Variants in CARNS1 observed in about 807,000 individuals in gnomAD.
CARNS1 encodes the protein carnosine synthase 1.
A neutral mutation model predicts 74.0 loss-of-function variants in CARNS1; 61 were observed. The observed-to-expected ratio is 0.82, with a 90% confidence interval of 0.67 to 1.02. The LOEUF (loss-of-function observed/expected upper bound fraction) is 1.02, where lower values mean the gene tolerates loss of function less well. Ranked by LOEUF, CARNS1 falls within the 50% of genes least tolerant of loss-of-function variation. The pLI, the probability that CARNS1 is intolerant of heterozygous loss-of-function variation, is 0.00. For synonymous variants in CARNS1, 568 were observed against 605.5 expected, an observed-to-expected ratio of 0.94 and a Z score of 0.91; for missense variants, 1,278 against 1,308.4, an observed-to-expected ratio of 0.98 and a Z score of 0.36.
chr11:67,425,206 G>C lies in CARNS1; in HGVS notation c.*605G>C, dbSNP rs1863802397. 2 of 390,610 alleles carry C rather than the reference G, an allele frequency of 5.1e-6. No individual in the cohort carries two copies. Among genetic ancestry groups the C allele is most frequent in the African/African-American group, 4.2e-5 (2 of 47,752 alleles). 24.2% of individuals were successfully genotyped at this position (390,610 alleles called of 1,614,324 possible). Reference sequence around the variant, plus strand: ...ACCCCAGGCAGACACAACTGCCTATGTTCCCCCGATGAGAGGAAACAGGCT... The same window carrying C: ...ACCCCAGGCAGACACAACTGCCTATCTTCCCCCGATGAGAGGAAACAGGCT... On this transcript the variant is annotated 3_prime_UTR_variant, in exon 10 of 10. Transcript: ENST00000687366.
rs1460665729 is a variant in CARNS1, at chr11:67,419,025, G to C, written c.634G>C (p.Asp212His). ...ASAELARLLE[D>H]RLLTRQLLAQ... is the part of the protein sequence containing the mutation. ...GGCTGAGCTGGCCCGGCTGCTGGAG[G>C]ACCGGCTGCTGACAAGGCAGTTGCT... Residue 212 changes from aspartate (D) to histidine (H), a missense_variant, in exon 5 of 10, where the codon GAC becomes CAC. Transcript: ENST00000687366. The C allele has an allele frequency of 6.4e-7, 1 of 1,557,758 alleles. No homozygotes were observed. The highest frequency in any genetic ancestry group is 2.4e-5 in the East Asian group (1 of 41,412).
intron 7 of CARNS1, among the ~76,000 whole-genome samples, chr11:67,420,164 G>A (rs568711309): frequency 2.0e-5 from 3 of 152,312 alleles, no homozygotes; most frequent in Non-Finnish European, 4.4e-5. Context: ...AACCTCTAGT[G>A]CCTGGACGCC....
intron 7 of CARNS1, 148 bp downstream of exon 7, chr11:67,419,986 G>T: frequency 1.3e-6 from 1 of 748,240 alleles, no homozygotes; most frequent in Non-Finnish European, 2.2e-6. Context: ...GGAAACTACT[G>T]GGTCTGACCG....
At chr11:67,418,632 G>A (rs968232075) in intron 4 of CARNS1, 112 bp downstream of exon 4, 58 of 1,430,786 alleles carry the variant, frequency 4.1e-5, no homozygotes, top group African/African-American at 7.2e-5. Context: ...GCATTCCACC[G>A]GAGCAGCTGC....
chr11:67,424,612 A>G lies in CARNS1; in HGVS notation c.*11A>G, dbSNP rs369307110. The G allele has an allele frequency of 6.3e-7, 1 of 1,595,134 alleles. No homozygotes were observed. On this transcript the variant is annotated 3_prime_UTR_variant, in exon 10 of 10. Coordinates refer to ENST00000687366, the MANE Select transcript of CARNS1 (RefSeq NM_001166222.2). ...TCTCACTTCAAATAGCACTGGGGTC[A>G]GGGGGCAGGGAAGCAGTGCTGGGTG...
chr11:67,425,006 C>T lies in CARNS1; in HGVS notation c.*405C>T, dbSNP rs1309318592. On this transcript the variant is annotated 3_prime_UTR_variant, in exon 10 of 10. Coordinates refer to ENST00000687366, the MANE Select transcript of CARNS1 (RefSeq NM_001166222.2). ...CAAGAGGAGAGGACCTGGCTGGGCCCCAAGCCTTGGACAAATCCTGGGAAA... is the reference window on the plus strand; with the variant it reads ...CAAGAGGAGAGGACCTGGCTGGGCCTCAAGCCTTGGACAAATCCTGGGAAA... The T allele has an allele frequency of 2.1e-6, 1 of 484,488 alleles. No homozygotes were observed. Among genetic ancestry groups the T allele is most frequent in the Non-Finnish European group, 4.1e-6 (1 of 246,466 alleles). 30.0% of individuals were successfully genotyped at this position (484,488 alleles called of 1,614,324 possible). A position where few individuals can be genotyped will look rare whatever the true frequency, so the allele number is the denominator to read the frequency against.
In CARNS1 at chr11:67,420,605, C is replaced by T. The variant is rs1270200658; in HGVS notation, c.1114-4C>T. ...GGCCTCCCCCTGAGTCTCCCCCTGC[C>T]CAGGTGGTGTGCGGCGTGGGCCGCG... On this transcript the variant is annotated splice_polypyrimidine_tract_variant and splice_region_variant and intron_variant, in intron 7 of 9. Transcript: ENST00000687366. 5.7e-6 allele frequency: 7 copies of T among 1,238,160 alleles called. No homozygotes were observed. The highest frequency in any genetic ancestry group is 6.1e-6 in the Non-Finnish European group (6 of 991,530). 76.7% of individuals were successfully genotyped at this position (1,238,160 alleles called of 1,614,324 possible).
Position 67,424,457 on chromosome 11 carries a change from C to A in CARNS1, c.2709C>A (p.Gly903=), listed in dbSNP as rs190057931. 6.3e-7 allele frequency: 1 copy of A among 1,588,550 alleles called. No homozygotes were observed. ...TGCTGGAGGAGGCCCTGGTGCCTGG[C>A]GAGTATGAGGAGCCCTACTGCAGTG... The part of the protein sequence containing the change: ...LNLLEEALVP[G]EYEEPYCSVA... Residue 903 remains glycine (G), a synonymous_variant, in exon 10 of 10, where the codon GGC becomes GGA. Transcript: ENST00000687366.
In CARNS1 at chr11:67,419,814, G is replaced by A; in HGVS notation, c.1089G>A (p.Gln363=). ...VRICAVVCRT[Q]GDRPLLSKVV... ...TCTGTGCTGTGGTGTGTCGGACACA[G>A]GGTGATAGGCCACTGCTGAGCAAGG... The change falls in exon 7 of 10, where the codon CAG becomes CAA. Residue 363 remains glutamine, a synonymous_variant. Coordinates refer to ENST00000687366, the MANE Select transcript of CARNS1 (RefSeq NM_001166222.2). The A allele has an allele frequency of 1.3e-6, 2 of 1,594,392 alleles. No individual in the cohort carries two copies. Among genetic ancestry groups the A allele is most frequent in the Non-Finnish European group, 1.7e-6 (2 of 1,171,014 alleles).
intron 2 of CARNS1, chr11:67,416,810 C>T (rs1473330975): frequency 1.0e-5 from 10 of 986,236 alleles, no homozygotes; most frequent in Non-Finnish European, 1.2e-5. Flanking sequence ...AAAGCATTTC[C>T]GTGACTCAAA....
chr11:67,415,711 C>T lies in CARNS1; in HGVS notation c.-77C>T, dbSNP rs1863526706. The T allele has an allele frequency of 6.5e-6, 1 of 154,678 alleles. No homozygotes were observed. 9.6% of individuals were successfully genotyped at this position (154,678 alleles called of 1,614,324 possible). On this transcript the variant is annotated 5_prime_UTR_variant, in exon 1 of 10. Transcript: ENST00000687366. ...ACTGCCACCGCCGCCGCCGCTGCATCCCGCCCGGTCCGAGTCCGCCCGCCA... is the reference window on the plus strand; with the variant it reads ...ACTGCCACCGCCGCCGCCGCTGCATTCCGCCCGGTCCGAGTCCGCCCGCCA...
At position 67,420,655 on chromosome 11, in the gene CARNS1, A is replaced by G; in HGVS notation, c.1160A>G (p.Asn387Ser). The G allele has an allele frequency of 1.6e-6, 2 of 1,252,886 alleles. No individual in the cohort carries two copies. The highest frequency in any genetic ancestry group is 3.1e-5 in the African/African-American group (2 of 64,556). 77.6% of individuals were successfully genotyped at this position (1,252,886 alleles called of 1,614,324 possible). Residue 387 changes from asparagine to serine, a missense_variant, in exon 8 of 10, where the codon AAC becomes AGC. Coordinates refer to ENST00000687366, the MANE Select transcript of CARNS1 (RefSeq NM_001166222.2). ...GGGGACCGCCCTCTACGGCACCACA[A>G]CTCCCTGCCGAGGACGCTGGAGGTG... ...GRGDRPLRHH[N>S]SLPRTLEVAL...
rs1278094607 is a variant in CARNS1, at chr11:67,419,783, T to C, written c.1058T>C (p.Val353Ala). The change falls in exon 7 of 10, where the codon GTG (valine) becomes GCG (alanine). Residue 353 changes from valine (V) to alanine (A), a missense_variant. Physicochemically the swap from Val to Ala is moderately conservative, Grantham distance 64 (BLOSUM62 0). Coordinates refer to ENST00000687366, the MANE Select transcript of CARNS1 (RefSeq NM_001166222.2). ...DGPSPGPGLA[V>A]RICAVVCRTQ... ...CCTTCACCCGGCCCCGGCCTGGCCG[T>C]GCGAATCTGTGCTGTGGTGTGTCGG... is the stretch of plus-strand genomic sequence containing the variant. 2 of 1,603,948 alleles carry C rather than the reference T, an allele frequency of 1.2e-6. No individual in the cohort carries two copies. The highest frequency in any genetic ancestry group is 1.3e-5 in the African/African-American group (1 of 74,656).
Position 67,424,824 on chromosome 11 carries a change from C to A in CARNS1, c.*223C>A. 1 of 628,214 alleles carries A rather than the reference C, an allele frequency of 1.6e-6. No homozygotes were observed. Among genetic ancestry groups the A allele is most frequent in the South Asian group, 1.8e-5 (1 of 56,638 alleles). The allele number at this position is 628,214 out of a possible 1,614,324, so 38.9% of individuals were successfully genotyped here. ...CCGAAGGCCCCAGTCCAGCCTACAG[C>A]TTCCCCAGCATTCTAGCCTTGGAGA... On this transcript the variant is annotated 3_prime_UTR_variant, in exon 10 of 10. Coordinates refer to ENST00000687366, the MANE Select transcript of CARNS1 (RefSeq NM_001166222.2).
rs371650612 is a variant in CARNS1 at position 67,423,498 on chromosome 11, C to A, written c.1750C>A (p.Arg584=). 3.1e-6 allele frequency: 5 copies of A among 1,613,818 alleles called. No homozygotes were observed. Among genetic ancestry groups the A allele is most frequent in the Non-Finnish European group, 3.4e-6 (4 of 1,179,878 alleles). The part of the protein sequence containing the change: ...ENARLLAELV[R]ARGLKLDGCF... ...CGCACGGCTGCTGGCAGAGTTGGTG[C>A]GGGCTCGCGGCCTCAAGCTAGATGG... is the stretch of plus-strand genomic sequence containing the variant. Residue 584 remains arginine (R), a synonymous_variant, in exon 10 of 10, where the codon CGG becomes AGG. Transcript: ENST00000687366. The surrounding 1 kb of genome is among the most constrained non-coding windows in gnomAD (Gnocchi z 5.1).
At position 67,419,746 on chromosome 11, in the gene CARNS1, C is replaced by G. The variant is rs767299540; in HGVS notation, c.1028-7C>G. ...TGCTGGCCTTAGACCTCCCCGTCTTCCCCCAGATGGTCCTTCACCCGGCCC... is the reference window on the plus strand; with the variant it reads ...TGCTGGCCTTAGACCTCCCCGTCTTGCCCCAGATGGTCCTTCACCCGGCCC... On this transcript the variant is annotated splice_region_variant and splice_polypyrimidine_tract_variant and intron_variant, in intron 6 of 9. Transcript: ENST00000687366. The G allele has an allele frequency of 2.5e-6, 4 of 1,601,960 alleles. No individual in the cohort carries two copies. Among genetic ancestry groups the G allele is most frequent in the Non-Finnish European group, 2.6e-6 (3 of 1,174,828 alleles).
Position 67,424,203 on chromosome 11 carries a change from G to A in CARNS1, c.2455G>A (p.Gly819Ser). The A allele has an allele frequency of 1.1e-5, 17 of 1,613,878 alleles. No individual in the cohort carries two copies. Among genetic ancestry groups the A allele is most frequent in the Non-Finnish European group, 1.4e-5 (17 of 1,179,886 alleles). Reference protein sequence around the residue: ...RLIEINPRMGGFYLRDWILEL... With the variant: ...RLIEINPRMGSFYLRDWILEL... ...TATCGAGATCAACCCCCGCATGGGT[G>A]GCTTCTACCTGCGTGATTGGATCCT... The change falls in exon 10 of 10, where the codon GGC becomes AGC. Residue 819 changes from glycine to serine, a missense_variant. Around this residue, in one of 3 missense-constraint regions of CARNS1, gnomAD observed 1,164 missense variants for 1,156.5 expected, o/e 1.01. Coordinates refer to ENST00000687366, the MANE Select transcript of CARNS1 (RefSeq NM_001166222.2).
chr11:67,416,037 G>A (rs1863537623), intron 1 of CARNS1, 139 bp from the exon 2 acceptor site: 4 of 668,420 alleles, frequency 6.0e-6, no homozygotes, highest in South Asian at 4.8e-5. Flanking sequence ...CGGGGTGGGG[G>A]TGGGGCTGCC....
At position 67,419,044 on chromosome 11, in the gene CARNS1, A is replaced by C. The variant is rs548526914; in HGVS notation, c.653A>C (p.Gln218Pro). Reference protein sequence around the residue: ...RLLEDRLLTRQLLAQQGGVAV... With the variant: ...RLLEDRLLTRPLLAQQGGVAV... The stretch of plus-strand genomic sequence containing the variant: ...CTGGAGGACCGGCTGCTGACAAGGC[A>C]GTTGCTGGCCCAGCAGGGTGGTGTG... The change falls in exon 5 of 10, where the codon CAG (glutamine) becomes CCG (proline). Residue 218 changes from glutamine to proline, a missense_variant. Coordinates refer to ENST00000687366, the MANE Select transcript of CARNS1 (RefSeq NM_001166222.2). 1.3e-6 allele frequency: 2 copies of C among 1,557,592 alleles called. No individual in the cohort carries two copies. The highest frequency in any genetic ancestry group is 1.4e-5 in the African/African-American group (1 of 73,580).
Sources: gnomAD v4.1 joint callset for allele counts (sites outside exome capture counted in the v4.1 genomes callset) on GRCh38, gnomAD v4.1.1 for gene constraint, gnomAD v4.1.1 regional missense constraint, Gnocchi (gnomAD v3.1) non-coding constraint, MANE v1.5 for transcripts, NCBI Gene and HGNC (gene_info 2026-07-23, HGNC 2026-07-21) for gene names.